DCDC2: variants seen among roughly 807,000 people sequenced by gnomAD.
DCDC2 encodes doublecortin domain-containing protein 2.
DCDC2 carries 40 observed loss-of-function variants against 50.2 expected under a neutral mutation model. The observed-to-expected ratio is 0.80, with a 90% CI of 0.62 to 1.04. DCDC2 has a LOEUF of 1.04. Among genes scored for constraint, DCDC2 ranks in the 50% least tolerant of loss-of-function variants. The pLI, the probability that DCDC2 is intolerant of heterozygous loss-of-function variation, is 0.00. For missense variants in DCDC2, 570 were observed against 581.9 expected (o/e 0.98, Z 0.21); for synonymous variants, 234 against 210.6 (o/e 1.11, Z -0.96).
At chr6:24,369,133 C>CAAAAAAAAAAAA in the DCDC2 span, among the ~76,000 whole-genome samples, 33 of 92,760 alleles carry the variant, frequency 3.6e-4, no homozygotes, top group African/African-American at 1.4e-3. Context: ...GACTCTGTCT[C>CAAAAAAAAAAAA]AAAAAAAAAA....
At chr6:24,343,331 C>A (rs557063270) in intron 2 of DCDC2, among the ~76,000 whole-genome samples, 25 of 152,212 alleles carry the variant, frequency 1.6e-4, no homozygotes, top group Non-Finnish European at 3.2e-4. Context: ...TTACAGGCGT[C>A]AGCCACCGTG....
At position 24,204,593 on chromosome 6, in the gene DCDC2, C is replaced by T. The variant is rs1308808352; in HGVS notation, c.1023+409G>A. Among the ~76,000 whole-genome samples, 10 of 152,108 alleles carry T rather than the reference C, an allele frequency of 6.6e-5. No individual in the cohort carries two copies. The East Asian group carries it at 1.5e-3, about 23-fold the overall frequency. ...ATGGCACCTCTGTAACAAACCTGCA[C>T]GTTCTGCACATGTATGCCAGAACTT... is the stretch of plus-strand genomic sequence containing the variant. On this transcript the variant is annotated intron_variant, in intron 8 of 9. Coordinates refer to ENST00000378454, the MANE Select transcript of DCDC2 (RefSeq NM_016356.5).
chr6:24,183,294 A>G (rs944550480), intron 8 of DCDC2, among the ~76,000 whole-genome samples: 1 of 152,234 alleles, frequency 6.6e-6, no homozygotes, highest in Non-Finnish European at 1.5e-5. Flanking sequence ...AAGATGGTAA[A>G]TATGCCATTA....
intron 7 of DCDC2, among the ~76,000 whole-genome samples, chr6:24,232,030 T>C (rs1770910): frequency 0.19 from 25,137 of 134,986 alleles, 2,412 homozygotes; most frequent in African/African-American, 0.3. Flanking sequence ...CACACACACA[T>C]ACACACATAC....
intron 2 of DCDC2, among the ~76,000 whole-genome samples, chr6:24,339,615 C>A (rs1199964448): frequency 6.6e-6 from 1 of 152,178 alleles, no homozygotes; most frequent in Non-Finnish European, 1.5e-5. Context: ...GCAGACTCCT[C>A]TTCTCCAATT....
chr6:24,298,060 C>T (rs11970301), intron 4 of DCDC2, among the ~76,000 whole-genome samples: 5,617 of 152,294 alleles, frequency 0.037, 305 homozygotes, highest in African/African-American at 0.12. Flanking sequence ...ATAATTTCTC[C>T]ACAGACGGAG....
intron 7 of DCDC2, among the ~76,000 whole-genome samples, chr6:24,231,698 A>C (rs1414977970): frequency 6.6e-6 from 1 of 152,102 alleles, no homozygotes; most frequent in Non-Finnish European, 1.5e-5. Context: ...ATAGCAGGAG[A>C]CATTAAAAAA....
intron 7 of DCDC2, among the ~76,000 whole-genome samples, chr6:24,220,919 C>CGAGCGAGCGAGAGAGG (rs1561895651): frequency 2.3e-5 from 1 of 43,608 alleles, no homozygotes; most frequent in Non-Finnish European, 5.7e-5. Flanking sequence ...AGTGAGCGAG[C>CGAGCGAGCGAGAGAGG]GAGCGAGAGC....
intron 2 of DCDC2, among the ~76,000 whole-genome samples, chr6:24,319,289 T>G (rs199699387): frequency 2.2e-3 from 15 of 6,800 alleles, no homozygotes; most frequent in Admixed American, 5.9e-3. Context: ...TTTGTGGGGT[T>G]TTTTTTTTTC....
At chr6:24,190,469 G>A (rs1761290961) in intron 8 of DCDC2, among the ~76,000 whole-genome samples, 1 of 152,110 alleles carries the variant, frequency 6.6e-6, no homozygotes, top group Non-Finnish European at 1.5e-5. Flanking sequence ...CATGGCACAT[G>A]TATACGTATG....
chr6:24,244,611 G>C (rs573198596), intron 7 of DCDC2, among the ~76,000 whole-genome samples: 1 of 152,340 alleles, frequency 6.6e-6, no homozygotes, highest in African/African-American at 2.4e-5. Flanking sequence ...CCACCTCCCA[G>C]ACCTGCTCTC....
intron 8 of DCDC2, among the ~76,000 whole-genome samples, chr6:24,181,427 G>A (rs548828912): frequency 2.0e-5 from 3 of 152,310 alleles, no homozygotes; most frequent in African/African-American, 7.2e-5. Flanking sequence ...ACAGACACTT[G>A]AGGTGATAAG....
chr6:24,277,223 C>T (rs192848337), intron 7 of DCDC2, among the ~76,000 whole-genome samples: 10 of 151,766 alleles, frequency 6.6e-5, no homozygotes, highest in Admixed American at 2.0e-4. Flanking sequence ...GAAACCTGAT[C>T]CCATCAGTCC....
intron 7 of DCDC2, among the ~76,000 whole-genome samples, chr6:24,274,308 A>G (rs752676251): frequency 6.6e-6 from 1 of 152,206 alleles, no homozygotes; most frequent in Non-Finnish European, 1.5e-5. Flanking sequence ...GCTATTTCAA[A>G]ACAATCATCG....
At chr6:24,206,290 T>C (rs1388315697) in intron 7 of DCDC2, among the ~76,000 whole-genome samples, 2 of 152,014 alleles carry the variant, frequency 1.3e-5, no homozygotes, top group African/African-American at 4.8e-5. Flanking sequence ...TAAACATACT[T>C]CCAATAAGGT....
intron 6 of DCDC2, among the ~76,000 whole-genome samples, chr6:24,279,204 C>T (rs1182020574): frequency 6.6e-6 from 1 of 152,180 alleles, no homozygotes; most frequent in African/African-American, 2.4e-5. Flanking sequence ...GCCACTGCTA[C>T]AGCAAGAAAC....
intron 6 of DCDC2, among the ~76,000 whole-genome samples, chr6:24,278,427 C>T (rs1347194658): frequency 6.6e-6 from 1 of 152,132 alleles, no homozygotes; most frequent in African/African-American, 2.4e-5. Flanking sequence ...TAATAGCTAA[C>T]AATCATTGGG....
chr6:24,378,989 C>A, the DCDC2 span, among the ~76,000 whole-genome samples: 4 of 146,462 alleles, frequency 2.7e-5, no homozygotes, highest in African/African-American at 1.0e-4. Context: ...GCCAATCTAG[C>A]CATATGCAGA....
chr6:24,321,403 G>A (rs1379296118), intron 2 of DCDC2, among the ~76,000 whole-genome samples: 1 of 152,106 alleles, frequency 6.6e-6, no homozygotes, highest in Non-Finnish European at 1.5e-5. Flanking sequence ...GGGGAAACCT[G>A]GCAGACATCA....
Sources: allele counts gnomAD v4.1 joint callset (sites outside exome capture counted in the v4.1 genomes callset), GRCh38; gene constraint gnomAD v4.1.1; transcripts MANE v1.5; gene names NCBI Gene and HGNC (gene_info 2026-07-23, HGNC 2026-07-21).